The following NADSYN1 variants were observed in gnomAD, a reference collection of about 807,000 sequenced individuals.
NADSYN1 encodes the protein glutamine-dependent NAD(+) synthetase.
A neutral mutation model predicts 99.3 loss-of-function variants in NADSYN1; 80 were observed. The ratio of observed to expected loss-of-function variants is 0.81; its 90% CI spans 0.67 to 0.97. NADSYN1 has a LOEUF of 0.97. Ranked by LOEUF, NADSYN1 falls within the 50% of genes least tolerant of loss-of-function variation. The probability of loss-of-function intolerance (pLI) is 0.00; values close to 1 mark genes in which losing one functional copy is unlikely to be tolerated. For missense variants in NADSYN1, 859 were observed against 948.5 expected (o/e 0.91, Z 1.24); for synonymous variants, 385 against 372.1 (o/e 1.03, Z -0.40).
chr11:71,482,540 A>G (rs1181424487), intron 13 of NADSYN1, among the ~76,000 whole-genome samples: 6 of 144,424 alleles, frequency 4.2e-5, no homozygotes, highest in African/African-American at 1.6e-4. Context: ...GTGGAGCCGC[A>G]TGGGCGCCTG....
In NADSYN1 at chr11:71,482,093, C is replaced by G. The variant is rs1949712192; in HGVS notation, c.1150+68C>G. On this transcript the variant is annotated intron_variant, in intron 13 of 20. Coordinates refer to ENST00000319023, the MANE Select transcript of NADSYN1 (RefSeq NM_018161.5). ...CCCTTGGGCTGCCTGAGTTAGGGAC[C>G]TAGGAGGGGGCAGAGGAAACACCCG... The G allele has an allele frequency of 2.1e-6, 3 of 1,415,594 alleles. No individual in the cohort carries two copies. In the East Asian group the frequency reaches 7.4e-5, roughly 35 times the overall value. 87.7% of individuals were successfully genotyped at this position (1,415,594 alleles called of 1,614,324 possible). A position where few individuals can be genotyped will look rare whatever the true frequency, so the allele number is the denominator to read the frequency against.
chr11:71,458,356 TG>T, intron 2 of NADSYN1, 71 bp from the exon 3 acceptor site: 1 of 1,147,898 alleles, frequency 8.7e-7, no homozygotes, highest in Non-Finnish European at 1.3e-6. Flanking sequence ...CAGACTGGAC[TG>T]GCCCACAGGC....
At chr11:71,463,298 C>A (rs1949562576) in intron 3 of NADSYN1, 134 bp from the exon 4 acceptor site, 1 of 749,556 alleles carries the variant, frequency 1.3e-6, no homozygotes, top group Non-Finnish European at 2.2e-6. Flanking sequence ...AAGAGCCTTG[C>A]AGTTCTCCGA....
intron 9 of NADSYN1, chr11:71,476,985 G>C (rs1172088191): frequency 1.9e-6 from 2 of 1,034,704 alleles, no homozygotes; most frequent in Admixed American, 5.3e-5. Context: ...GCTGTATTCA[G>C]AGTGGCCGCG....
At position 71,464,161 on chromosome 11, in the gene NADSYN1, C is replaced by T; in HGVS notation, c.407+19C>T. ...GGAGTCGGTGAGTCGGGTGCCTGAC[C>T]ACTCCTGGGATGTGCGTTAAGCACC... is the stretch of plus-strand genomic sequence containing the variant. On this transcript the variant is annotated intron_variant, in intron 5 of 20. Coordinates refer to ENST00000319023, the MANE Select transcript of NADSYN1 (RefSeq NM_018161.5). 6.3e-7 allele frequency: 1 copy of T among 1,586,608 alleles called. No homozygotes were observed. Among genetic ancestry groups the T allele is most frequent in the Non-Finnish European group, 8.6e-7 (1 of 1,163,406 alleles).
intron 18 of NADSYN1, among the ~76,000 whole-genome samples, chr11:71,492,887 A>T (rs1949792560): frequency 7.0e-6 from 1 of 142,580 alleles, no homozygotes. Flanking sequence ...TTGTCTCTAA[A>T]TTTTTTTTTT....
intron 18 of NADSYN1, chr11:71,497,176 C>G (rs1949825653): frequency 2.7e-6 from 1 of 372,576 alleles, no homozygotes. Context: ...CTATGCCCAG[C>G]CTACACTCTT....
intron 9 of NADSYN1, chr11:71,476,964 G>A: frequency 1.0e-6 from 1 of 1,003,904 alleles, no homozygotes; most frequent in Non-Finnish European, 1.2e-6. Flanking sequence ...GTAGGCTGTG[G>A]CCACAGGCCT....
intron 18 of NADSYN1, chr11:71,497,200 T>A: frequency 2.4e-6 from 1 of 410,480 alleles, no homozygotes; most frequent in Non-Finnish European, 4.5e-6. Context: ...CCAAATAAAG[T>A]CACATCCCCA....
intron 8 of NADSYN1, 133 bp from the exon 9 acceptor site, chr11:71,474,262 C>T (rs1044512900): frequency 2.3e-5 from 27 of 1,170,574 alleles, no homozygotes; most frequent in Non-Finnish European, 3.1e-5. Flanking sequence ...CACACATATG[C>T]GTTATCTCTG....
chr11:71,465,754 A>C (rs1177155152), intron 5 of NADSYN1, among the ~76,000 whole-genome samples: 1 of 151,638 alleles, frequency 6.6e-6, no homozygotes, highest in Non-Finnish European at 1.5e-5. Context: ...TTGTAAATGG[A>C]CTCTTTAATA....
intron 2 of NADSYN1, among the ~76,000 whole-genome samples, chr11:71,456,973 A>G (rs981188763): frequency 6.6e-6 from 1 of 152,250 alleles, no homozygotes; most frequent in Non-Finnish European, 1.5e-5. Flanking sequence ...AGACCCTCTC[A>G]CCTAGAAAAG....
At chr11:71,491,715 C>T (rs527593998) in intron 17 of NADSYN1, 119 bp from the exon 18 acceptor site, 7 of 877,304 alleles carry the variant, frequency 8.0e-6, no homozygotes, top group Middle Eastern at 2.2e-4. Flanking sequence ...ACGTCCTACC[C>T]ACGGTGAACG....
intron 20 of NADSYN1, chr11:71,499,549 C>T (rs888395411): frequency 6.6e-6 from 1 of 152,214 alleles, no homozygotes; most frequent in Non-Finnish European, 1.5e-5. Context: ...GTCATGGCTT[C>T]CAACCCACCC....
rs74403640 is a variant in NADSYN1 at position 71,483,743 on chromosome 11, A to C, written c.1320-569A>C. ...ACCCGAACAGATACTTGTTCAGGAA[A>C]GTCCATAGCAGCACCATTCACAGAA... On this transcript the variant is annotated intron_variant, in intron 14 of 20. Transcript: ENST00000319023. Among the ~76,000 whole-genome samples the C allele has an allele frequency of 1.9e-3, 294 of 152,350 alleles. 2 individuals are homozygous for C. Among genetic ancestry groups the C allele is most frequent in the Admixed American group, 3.8e-3 (58 of 15,308 alleles).
In NADSYN1 at chr11:71,474,503, T is replaced by A. The variant is rs781464575; in HGVS notation, c.775T>A (p.Ser259Thr). Residue 259 changes from serine (S) to threonine (T), a missense_variant, in exon 9 of 21, where the codon TCC becomes ACC. Coordinates refer to ENST00000319023, the MANE Select transcript of NADSYN1 (RefSeq NM_018161.5). ...GAACGGAAGCGTCTTTGCTCAAGGA[T>A]CCCAGTTTTCTCTGGATGACGTGGT... ...AMNGSVFAQG[S>T]QFSLDDVEVL... The A allele has an allele frequency of 2.0e-5, 32 of 1,614,046 alleles. No individual in the cohort carries two copies. The highest frequency in any genetic ancestry group is 2.7e-5 in the African/African-American group (2 of 74,936).
chr11:71,460,100 C>T (rs761866255), intron 3 of NADSYN1: 74 of 152,410 alleles, frequency 4.9e-4, no homozygotes, highest in Non-Finnish European at 7.0e-4. Context: ...CGTCTGTTGT[C>T]GCAGTCCTCC....
intron 16 of NADSYN1, among the ~76,000 whole-genome samples, chr11:71,489,515 C>G (rs1280663427): frequency 6.6e-6 from 1 of 152,160 alleles, no homozygotes; most frequent in Admixed American, 6.5e-5. Flanking sequence ...CGGCGGATTT[C>G]CCCAGTCCTT....
chr11:71,453,473 C>A, intron 1 of NADSYN1, 92 bp downstream of exon 1: 2 of 1,187,266 alleles, frequency 1.7e-6, no homozygotes, highest in Non-Finnish European at 2.4e-6. Flanking sequence ...CACAGCCTTG[C>A]CCTGGGAAAC....
Sources: gnomAD v4.1 joint callset for allele counts (sites outside exome capture counted in the v4.1 genomes callset) on GRCh38, gnomAD v4.1.1 for gene constraint, MANE v1.5 for transcripts, NCBI Gene and HGNC (gene_info 2026-07-23, HGNC 2026-07-21) for gene names.